The following SBF2 variants were observed in gnomAD, a reference collection of about 807,000 sequenced individuals.
SBF2 encodes the protein myotubularin-related protein 13.
A neutral mutation model predicts 225.2 loss-of-function variants in SBF2; 112 were observed. The ratio of observed to expected loss-of-function variants is 0.50; its 90% confidence interval spans 0.43 to 0.58. The LOEUF is 0.58. SBF2 is among the 20% of genes least tolerant of loss of function. SBF2 has a pLI of 0.00. For synonymous variants in SBF2, 763 were observed against 773.3 expected (o/e 0.99, Z 0.22); for missense variants, 1,996 against 2,206.2 (o/e 0.90, Z 1.91).
intron 9 of SBF2, among the ~76,000 whole-genome samples, chr11:9,996,655 C>T (rs1947717709): frequency 6.6e-6 from 1 of 152,154 alleles, no homozygotes; most frequent in African/African-American, 2.4e-5. Context: ...TCCCAAAGTG[C>T]TGGGATTACA....
intron 2 of SBF2, among the ~76,000 whole-genome samples, chr11:10,058,328 C>A (rs1371506996): frequency 1.3e-5 from 2 of 152,136 alleles, no homozygotes; most frequent in African/African-American, 4.8e-5. Context: ...CCTAACAGGT[C>A]TGATAGAGCT....
chr11:9,868,655 G>C (rs967017035), intron 17 of SBF2, among the ~76,000 whole-genome samples: 4 of 152,162 alleles, frequency 2.6e-5, no homozygotes, highest in African/African-American at 9.7e-5. Flanking sequence ...TATATTGCTA[G>C]CATCAATTTT....
At chr11:10,156,163 A>G (rs1172483167) in intron 2 of SBF2, among the ~76,000 whole-genome samples, 1 of 152,158 alleles carries the variant, frequency 6.6e-6, no homozygotes, top group Non-Finnish European at 1.5e-5. Context: ...GCCCACTCTG[A>G]TTTCAGAGAA....
chr11:10,220,303 A>T (rs1419752132), intron 1 of SBF2, among the ~76,000 whole-genome samples: 5 of 152,092 alleles, frequency 3.3e-5, no homozygotes, highest in African/African-American at 1.2e-4. Context: ...CCACCAGCCC[A>T]TGATTCAATT....
intron 16 of SBF2, chr11:9,960,189 C>T (rs1300448169): frequency 6.5e-6 from 1 of 153,718 alleles, no homozygotes; most frequent in African/African-American, 2.4e-5. Context: ...GCATTAACCT[C>T]TCTCTCTGAG....
intron 2 of SBF2, among the ~76,000 whole-genome samples, chr11:10,136,738 T>A (rs1391538061): frequency 6.6e-6 from 1 of 152,252 alleles, no homozygotes; most frequent in African/African-American, 2.4e-5. Context: ...TCTATTGGTA[T>A]CCACAGAGAA....
intron 2 of SBF2, among the ~76,000 whole-genome samples, chr11:10,161,431 T>C (rs1222998180): frequency 6.6e-6 from 1 of 152,180 alleles, no homozygotes. Flanking sequence ...AATTTTAATT[T>C]CCTAACCACA....
Position 9,960,186 on chromosome 11 carries a change from CCT to C in SBF2, c.1860+1769_1860+1770del, listed in dbSNP as rs1401510270. 5 of 153,742 alleles carry C rather than the reference CCT, an allele frequency of 3.3e-5. 1 individual carries two copies. The highest frequency in any genetic ancestry group is 2.9e-5 in the Non-Finnish European group (2 of 69,252). 9.5% of individuals were successfully genotyped at this position (153,742 alleles called of 1,614,324 possible). A position where few individuals can be genotyped will look rare whatever the true frequency, so the allele number is the denominator to read the frequency against. On this transcript the variant is annotated intron_variant, in intron 16 of 39. Coordinates refer to ENST00000256190, the MANE Select transcript of SBF2 (RefSeq NM_030962.4). ...ATAGTTCTTGTAATCGGAGCATTAACCTCTCTCTCTGAGGTTTATGTTTTCCC... is the reference window on the plus strand; with the variant it reads ...ATAGTTCTTGTAATCGGAGCATTAACCTCTCTCTGAGGTTTATGTTTTCCC...
chr11:10,151,819 T>C (rs1239824710), intron 2 of SBF2, among the ~76,000 whole-genome samples: 1 of 152,236 alleles, frequency 6.6e-6, no homozygotes, highest in Non-Finnish European at 1.5e-5. Context: ...ATAGGTCTAT[T>C]GCTGTCACTA....
intron 2 of SBF2, among the ~76,000 whole-genome samples, chr11:10,186,449 T>C (rs1173261998): frequency 1.3e-5 from 2 of 152,086 alleles, no homozygotes; most frequent in Non-Finnish European, 1.5e-5. Context: ...AGGAGATCGC[T>C]TGAGTCCAGG....
At chr11:10,237,768 G>C (rs1351117795) in intron 1 of SBF2, among the ~76,000 whole-genome samples, 1 of 152,136 alleles carries the variant, frequency 6.6e-6, no homozygotes, top group Non-Finnish European at 1.5e-5. Context: ...CCTTCTACCT[G>C]TTCCTACCCT....
intron 16 of SBF2, chr11:9,958,692 T>G (rs934572773): frequency 6.2e-6 from 2 of 324,366 alleles, no homozygotes; most frequent in East Asian, 1.7e-4. Context: ...AGAGTTGGAG[T>G]TGGATGAAGT....
At chr11:9,984,583 C>G (rs1947111204) in intron 13 of SBF2, among the ~76,000 whole-genome samples, 1 of 152,134 alleles carries the variant, frequency 6.6e-6, no homozygotes, top group African/African-American at 2.4e-5. Context: ...ACAAAGAACA[C>G]CTGGAAATTC....
chr11:9,984,900 C>A (rs925913576), intron 13 of SBF2, among the ~76,000 whole-genome samples: 2 of 152,118 alleles, frequency 1.3e-5, no homozygotes, highest in Non-Finnish European at 2.9e-5. Flanking sequence ...TTGCCATTAC[C>A]AAACCACCAC....
chr11:9,914,384 T>A (rs1032538955), intron 16 of SBF2, among the ~76,000 whole-genome samples: 1 of 152,198 alleles, frequency 6.6e-6, no homozygotes, highest in South Asian at 2.1e-4. Context: ...GAAACAGATC[T>A]GCATAGATAC....
chr11:9,991,350 A>G (rs1302236622), intron 12 of SBF2, among the ~76,000 whole-genome samples: 2 of 152,166 alleles, frequency 1.3e-5, no homozygotes, highest in Non-Finnish European at 2.9e-5. Flanking sequence ...TCTTCTTTAA[A>G]AATTCTTACC....
intron 6 of SBF2, among the ~76,000 whole-genome samples, chr11:10,004,463 GA>G (rs1948100438): frequency 1.4e-5 from 2 of 141,236 alleles, no homozygotes; most frequent in African/African-American, 5.3e-5. Context: ...GCTGTGAAAA[GA>G]AAATAAATCT....
intron 17 of SBF2, among the ~76,000 whole-genome samples, chr11:9,882,488 T>C (rs1180117564): frequency 1.3e-5 from 2 of 152,202 alleles, no homozygotes; most frequent in Non-Finnish European, 2.9e-5. Context: ...AGTTCTGTTT[T>C]TGTGAAACTT....
intron 2 of SBF2, among the ~76,000 whole-genome samples, chr11:10,174,354 C>T (rs1018384210): frequency 4.6e-5 from 7 of 152,022 alleles, no homozygotes; most frequent in Non-Finnish European, 7.4e-5. Context: ...TCGAGAACTA[C>T]GTGAAGAATG....
Sources: allele counts gnomAD v4.1 joint callset (sites outside exome capture counted in the v4.1 genomes callset), GRCh38; gene constraint gnomAD v4.1.1; transcripts MANE v1.5; gene names NCBI Gene and HGNC (gene_info 2026-07-23, HGNC 2026-07-21).